Variants in GRIN2A observed in about 807,000 individuals in gnomAD.
The protein encoded by GRIN2A is glutamate receptor ionotropic, NMDA 2A.
Under a neutral mutation model 113.4 loss-of-function variants are expected in GRIN2A, and 22 were observed. That is an observed-to-expected ratio of 0.19 (90% CI 0.14 to 0.28). The LOEUF is 0.28. Among genes scored for constraint, GRIN2A ranks in the 10% least tolerant of loss-of-function variants. GRIN2A has a pLI of 1.00. For synonymous variants in GRIN2A, 827 were observed against 738.4 expected (o/e 1.12, Z -1.94); for missense variants, 1,502 against 1,887.0 (o/e 0.80, Z 3.78).
chr16:10,106,386 C>A (rs749335104), intron 2 of GRIN2A, among the ~76,000 whole-genome samples: 17 of 151,570 alleles, frequency 1.1e-4, no homozygotes, highest in Non-Finnish European at 2.1e-4. Flanking sequence ...TATATTGAGA[C>A]CCTGTCTCTA....
chr16:9,937,194 C>T (rs2044733207), intron 3 of GRIN2A, among the ~76,000 whole-genome samples: 1 of 151,924 alleles, frequency 6.6e-6, no homozygotes, highest in Non-Finnish European at 1.5e-5. Flanking sequence ...CTTCACTTAT[C>T]CCATAAATAA....
chr16:9,902,940 GT>G (rs34185441), intron 3 of GRIN2A, among the ~76,000 whole-genome samples: 1,237 of 50,626 alleles, frequency 0.024, 10 homozygotes, highest in African/African-American at 0.057. Flanking sequence ...TCTTGGTTCT[GT>G]TTTTTTTTTT....
chr16:9,801,542 A>G (rs1903361569), intron 10 of GRIN2A, among the ~76,000 whole-genome samples: 1 of 152,254 alleles, frequency 6.6e-6, no homozygotes, highest in Non-Finnish European at 1.5e-5. Context: ...TTGGTATTTT[A>G]TGGACAGGCA....
chr16:9,856,821 C>T (rs1339639663), intron 4 of GRIN2A, among the ~76,000 whole-genome samples: 1 of 151,330 alleles, frequency 6.6e-6, no homozygotes, highest in Non-Finnish European at 1.5e-5. Context: ...ATGGCAGAAC[C>T]AGGATGTGAA....
intron 2 of GRIN2A, among the ~76,000 whole-genome samples, chr16:9,993,738 A>G (rs2046170873): frequency 6.6e-6 from 1 of 152,154 alleles, no homozygotes; most frequent in Admixed American, 6.5e-5. Flanking sequence ...TCTGTCAGAG[A>G]GAGAACTCAG....
At chr16:10,147,878 C>T (rs1421082043) in intron 2 of GRIN2A, among the ~76,000 whole-genome samples, 3 of 152,156 alleles carry the variant, frequency 2.0e-5, no homozygotes, top group Non-Finnish European at 4.4e-5. Context: ...CTATTCTTTC[C>T]TCTACGAACT....
intron 2 of GRIN2A, among the ~76,000 whole-genome samples, chr16:9,994,314 C>T (rs189574223): frequency 6.4e-4 from 97 of 152,268 alleles, no homozygotes; most frequent in Admixed American, 2.0e-3. Flanking sequence ...TTACTTCCCC[C>T]ATCTTCTCTG....
intron 2 of GRIN2A, among the ~76,000 whole-genome samples, chr16:9,969,704 G>A (rs908651000): frequency 2.0e-5 from 3 of 152,204 alleles, no homozygotes; most frequent in African/African-American, 7.2e-5. Context: ...ATTTCGCTAT[G>A]CCTGGAGATG....
Position 10,083,331 on chromosome 16 carries a change from T to C in GRIN2A, c.414+96667A>G, listed in dbSNP as rs114051613. On this transcript the variant is annotated intron_variant, in intron 2 of 12. Transcript: ENST00000330684. Reference sequence around the variant, plus strand: ...TACATGAGAAGACGTGTGTGGCCCCTGGGAGAAGGGAGCAACCATTAGGAC... The same window carrying C: ...TACATGAGAAGACGTGTGTGGCCCCCGGGAGAAGGGAGCAACCATTAGGAC... Among the ~76,000 whole-genome samples, 1,013 of 152,310 alleles carry C rather than the reference T, an allele frequency of 6.7e-3. 11 individuals carry two copies. Among genetic ancestry groups the C allele is most frequent in the African/African-American group, 0.023 (955 of 41,564 alleles).
chr16:10,124,578 G>C (rs1413414498), intron 2 of GRIN2A, among the ~76,000 whole-genome samples: 1 of 152,130 alleles, frequency 6.6e-6, no homozygotes, highest in Non-Finnish European at 1.5e-5. Flanking sequence ...TGAAATTATG[G>C]GGTACAAGAG....
At chr16:9,935,819 A>G (rs1423762113) in intron 3 of GRIN2A, among the ~76,000 whole-genome samples, 1 of 152,090 alleles carries the variant, frequency 6.6e-6, no homozygotes, top group Non-Finnish European at 1.5e-5. Flanking sequence ...CTCCTGCCTC[A>G]GCCTCATGAG....
intron 10 of GRIN2A, among the ~76,000 whole-genome samples, chr16:9,813,813 C>G (rs1204869300): frequency 6.6e-6 from 1 of 152,056 alleles, no homozygotes; most frequent in East Asian, 1.9e-4. Context: ...GGGGGTGGAT[C>G]TCAGAAACCA....
At chr16:9,966,062 T>A (rs2045551252) in intron 2 of GRIN2A, among the ~76,000 whole-genome samples, 2 of 152,288 alleles carry the variant, frequency 1.3e-5, no homozygotes, top group South Asian at 4.1e-4. Flanking sequence ...GGTTCGAGAA[T>A]CCTTGCACTT....
At position 9,762,259 on chromosome 16, in the gene GRIN2A, G is replaced by T. The variant is rs550337916; in HGVS notation, c.*890C>A. The T allele has an allele frequency of 8.9e-6, 2 of 225,784 alleles. No individual in the cohort carries two copies. Among genetic ancestry groups the T allele is most frequent in the South Asian group, 1.8e-4 (1 of 5,490 alleles). 14.0% of individuals were successfully genotyped at this position (225,784 alleles called of 1,614,324 possible). ...TACAACCCTGAGTCATCACCAGAAG[G>T]GAGGAAATGCAAACTTACGTACATA... On this transcript the variant is annotated 3_prime_UTR_variant, in exon 13 of 13. Coordinates refer to ENST00000330684, the MANE Select transcript of GRIN2A (RefSeq NM_001134407.3).
At chr16:10,110,008 G>C (rs150493220) in intron 2 of GRIN2A, among the ~76,000 whole-genome samples, 18 of 151,882 alleles carry the variant, frequency 1.2e-4, no homozygotes, top group African/African-American at 4.3e-4. Context: ...CCATTAACTC[G>C]TCATCTAGCA....
At chr16:10,136,134 C>T (rs1596542532) in intron 2 of GRIN2A, among the ~76,000 whole-genome samples, 2 of 152,282 alleles carry the variant, frequency 1.3e-5, no homozygotes. Flanking sequence ...CACTCTGCTC[C>T]ACCATCCAAC....
intron 3 of GRIN2A, among the ~76,000 whole-genome samples, chr16:9,906,225 C>T (rs2044025352): frequency 6.6e-6 from 1 of 152,166 alleles, no homozygotes; most frequent in South Asian, 2.1e-4. Context: ...TCCCCACTGT[C>T]CAAAAATAAA....
chr16:10,160,175 C>T (rs2142321998), intron 2 of GRIN2A, among the ~76,000 whole-genome samples: 1 of 152,296 alleles, frequency 6.6e-6, no homozygotes, highest in East Asian at 1.9e-4. Context: ...CTAATACAAT[C>T]CTGGACCTAG....
chr16:9,941,405 T>A (rs2044872157), intron 2 of GRIN2A, among the ~76,000 whole-genome samples: 1 of 152,232 alleles, frequency 6.6e-6, no homozygotes. Context: ...ACTGTGAACT[T>A]CCTCAGGAGA....
Sources: gnomAD v4.1 joint callset for allele counts (sites outside exome capture counted in the v4.1 genomes callset) on GRCh38, gnomAD v4.1.1 for gene constraint, MANE v1.5 for transcripts, NCBI Gene and HGNC (gene_info 2026-07-23, HGNC 2026-07-21) for gene names.